RTN1: variants seen among roughly 807,000 people sequenced by gnomAD.
RTN1 encodes the protein reticulon 1.
RTN1 carries 25 observed loss-of-function variants against 65.5 expected under a neutral mutation model. The ratio of observed to expected loss-of-function variants is 0.38; its 90% CI spans 0.28 to 0.53. The LOEUF is 0.53. Among genes scored for constraint, RTN1 ranks in the 20% least tolerant of loss-of-function variants. The pLI is 0.79. For synonymous variants in RTN1, 471 were observed against 447.6 expected (o/e 1.05, Z -0.66); for missense variants, 983 against 1,025.4 (o/e 0.96, Z 0.57).
intron 1 of RTN1, among the ~76,000 whole-genome samples, chr14:59,869,591 G>T (rs1202343843): frequency 1.2e-5 from 1 of 84,504 alleles, no homozygotes; most frequent in African/African-American, 3.8e-5. Flanking sequence ...GGGGGGGGGG[G>T]GCGCTTAGAC....
intron 3 of RTN1, among the ~76,000 whole-genome samples, chr14:59,695,930 T>C (rs1183125956): frequency 6.6e-6 from 1 of 152,112 alleles, no homozygotes; most frequent in Non-Finnish European, 1.5e-5. Context: ...AGAAAAATAT[T>C]CAAATGATAT....
chr14:59,791,313 G>A (rs1389797741), intron 1 of RTN1, among the ~76,000 whole-genome samples: 1 of 152,022 alleles, frequency 6.6e-6, no homozygotes, highest in Non-Finnish European at 1.5e-5. Flanking sequence ...CATATTATCT[G>A]ACACCTCTTC....
chr14:59,714,176 A>T (rs1387245375), intron 3 of RTN1, among the ~76,000 whole-genome samples: 1 of 151,788 alleles, frequency 6.6e-6, no homozygotes, highest in Non-Finnish European at 1.5e-5. Flanking sequence ...CAGAAGTTGC[A>T]GTTAGCCGAG....
Position 59,833,432 on chromosome 14 carries a change from A to G in RTN1, c.241+36958T>C, listed in dbSNP as rs141828035. ...TCTCATGGTGATTGACAAATATTCA[A>G]TATAGTAATATATAAAACTCAATTA... On this transcript the variant is annotated intron_variant, in intron 1 of 8. Coordinates refer to ENST00000267484, the MANE Select transcript of RTN1 (RefSeq NM_021136.3). Among the ~76,000 whole-genome samples, 230 of 152,342 alleles carry G rather than the reference A, an allele frequency of 1.5e-3. 2 individuals are homozygous for G. The highest frequency in any genetic ancestry group is 5.0e-3 in the African/African-American group (209 of 41,574).
At chr14:59,641,670 C>G (rs1882784515) in intron 3 of RTN1, among the ~76,000 whole-genome samples, 1 of 152,186 alleles carries the variant, frequency 6.6e-6, no homozygotes, top group Non-Finnish European at 1.5e-5. Context: ...CATGCCAGGC[C>G]TCTTTTTGAA....
chr14:59,607,438 C>T lies in RTN1; in HGVS notation c.1820G>A (p.Ser607Asn), dbSNP rs1358282354. 1 of 1,612,354 alleles carries T rather than the reference C, an allele frequency of 6.2e-7. No homozygotes were observed. The highest frequency in any genetic ancestry group is 1.7e-5 in the Admixed American group (1 of 59,814). ...CAGGGAGAAGAGCAGCAGCAGGAAA[C>T]TCCCAAACACGATGCCCGTCTGCTT... is the stretch of plus-strand genomic sequence containing the variant. ...DIKQTGIVFG[S>N]FLLLLFSLTQ... is the part of the protein sequence containing the mutation. The change falls in exon 4 of 9, where the codon AGT becomes AAT. Residue 607 changes from serine (S) to asparagine (N), a missense_variant. By Grantham distance (46) the Ser-to-Asn change is conservative. Transcript: ENST00000267484.
At chr14:59,674,013 A>G (rs1034764321) in intron 3 of RTN1, among the ~76,000 whole-genome samples, 17 of 152,290 alleles carry the variant, frequency 1.1e-4, no homozygotes, top group African/African-American at 3.4e-4. Context: ...CAATTTTATC[A>G]CCACAATAAA....
chr14:59,643,268 G>A (rs1882816630), intron 3 of RTN1, among the ~76,000 whole-genome samples: 1 of 152,162 alleles, frequency 6.6e-6, no homozygotes, highest in Non-Finnish European at 1.5e-5. Context: ...AAAAATTCAG[G>A]CATGGTGCTG....
chr14:59,645,718 A>T (rs1882880258), intron 3 of RTN1, among the ~76,000 whole-genome samples: 1 of 152,136 alleles, frequency 6.6e-6, no homozygotes, highest in South Asian at 2.1e-4. Flanking sequence ...AAGTGTCCAT[A>T]CTGTTCTCCA....
chr14:59,707,708 TACACACACACACAC>T (rs34046826), intron 3 of RTN1, among the ~76,000 whole-genome samples: 1 of 145,674 alleles, frequency 6.9e-6, no homozygotes, highest in African/African-American at 2.5e-5. Flanking sequence ...CTCTCTCTTT[TACACACACACACAC>T]ACACACACAC....
chr14:59,824,962 G>A (rs572250593), intron 1 of RTN1, among the ~76,000 whole-genome samples: 1 of 152,308 alleles, frequency 6.6e-6, no homozygotes, highest in South Asian at 2.1e-4. Flanking sequence ...GCAGAGAGTA[G>A]AATGGTGGTT....
chr14:59,653,803 T>C (rs1883065532), intron 3 of RTN1, among the ~76,000 whole-genome samples: 1 of 152,080 alleles, frequency 6.6e-6, no homozygotes, highest in Non-Finnish European at 1.5e-5. Flanking sequence ...AATTCAACAA[T>C]AATAGTTGAA....
At chr14:59,749,154 C>A (rs1436463287) in intron 1 of RTN1, among the ~76,000 whole-genome samples, 16 of 59,228 alleles carry the variant, frequency 2.7e-4, no homozygotes, top group African/African-American at 1.3e-3. Context: ...ATCTATCTAT[C>A]TATATCTATC....
chr14:59,744,790 G>A (rs980588545), intron 2 of RTN1, among the ~76,000 whole-genome samples: 2 of 152,138 alleles, frequency 1.3e-5, no homozygotes, highest in Non-Finnish European at 2.9e-5. Flanking sequence ...CTAGGGACAG[G>A]AATGTTAAAT....
intron 1 of RTN1, among the ~76,000 whole-genome samples, chr14:59,788,099 C>T (rs1202939032): frequency 6.6e-6 from 1 of 152,060 alleles, no homozygotes; most frequent in Non-Finnish European, 1.5e-5. Flanking sequence ...TATGAATGTA[C>T]TTTGATTTTT....
intron 3 of RTN1, among the ~76,000 whole-genome samples, chr14:59,624,356 T>C (rs530280687): frequency 1.3e-5 from 2 of 152,318 alleles, no homozygotes; most frequent in South Asian, 4.1e-4. Context: ...AACTGTCACC[T>C]AGGCAGAAGA....
At chr14:59,664,410 T>C (rs1386935273) in intron 3 of RTN1, among the ~76,000 whole-genome samples, 1 of 152,208 alleles carries the variant, frequency 6.6e-6, no homozygotes, top group Non-Finnish European at 1.5e-5. Context: ...GGCACGTATA[T>C]ACCTATGTAA....
intron 3 of RTN1, among the ~76,000 whole-genome samples, chr14:59,669,210 G>A (rs1017273973): frequency 1.3e-5 from 2 of 152,112 alleles, no homozygotes; most frequent in Admixed American, 6.5e-5. Context: ...CAACCCAAAT[G>A]TCCATCAATG....
At chr14:59,619,107 G>T (rs1167340870) in intron 3 of RTN1, among the ~76,000 whole-genome samples, 1 of 152,164 alleles carries the variant, frequency 6.6e-6, no homozygotes, top group Admixed American at 6.5e-5. Context: ...AAGGAGATGG[G>T]GTGGATAAAA....
Sources: allele counts gnomAD v4.1 joint callset (sites outside exome capture counted in the v4.1 genomes callset), GRCh38; gene constraint gnomAD v4.1.1; transcripts MANE v1.5; gene names NCBI Gene and HGNC (gene_info 2026-07-23, HGNC 2026-07-21).